Variants in LIPC observed in about 807,000 individuals in gnomAD.
LIPC encodes lipase C, hepatic type, also known as hepatic triacylglycerol lipase.
LIPC carries 44 observed loss-of-function variants against 50.7 expected under a neutral mutation model. The ratio of observed to expected loss-of-function variants is 0.87; its 90% confidence interval spans 0.68 to 1.11. The LOEUF (loss-of-function observed/expected upper bound fraction) is 1.11. Among genes scored for constraint, LIPC ranks in the 50% most tolerant of loss-of-function variants. LIPC has a pLI of 0.00. For missense variants in LIPC, 697 were observed against 648.2 expected (o/e 1.08, Z -0.82); for synonymous variants, 271 against 256.4 (o/e 1.06, Z -0.54).
intron 8 of LIPC, among the ~76,000 whole-genome samples, chr15:58,567,199 T>TAAAA (rs1210167610): frequency 3.3e-5 from 2 of 59,836 alleles, no homozygotes; most frequent in African/African-American, 1.0e-4. Flanking sequence ...AGACTCCGTC[T>TAAAA]CAAAAAAAAT....
At chr15:58,555,229 G>A (rs1893894466) in intron 6 of LIPC, among the ~76,000 whole-genome samples, 1 of 152,158 alleles carries the variant, frequency 6.6e-6, no homozygotes. Context: ...TAAGAAAAAG[G>A]GAAGAAAAAG....
intron 6 of LIPC, among the ~76,000 whole-genome samples, chr15:58,549,866 A>G (rs1472840953): frequency 3.3e-5 from 5 of 152,234 alleles, no homozygotes; most frequent in African/African-American, 9.6e-5. Context: ...GGAATTTGGA[A>G]GTCCTCCTGC....
At position 58,492,036 on chromosome 15, in the gene LIPC, T is replaced by C. The variant is rs112618104; in HGVS notation, c.89-46297T>C. ...GTCCCAGCAAGCAACAGAGCACCCA[T>C]TGTACAGCCTTCCCCAGCCCCAGAG... On this transcript the variant is annotated intron_variant, in intron 1 of 8. Coordinates refer to ENST00000299022, the MANE Select transcript of LIPC (RefSeq NM_000236.3). 3.3e-5 allele frequency among the ~76,000 whole-genome samples: 5 copies of C among 152,262 alleles called. No homozygotes were observed. The South Asian group carries it at 8.3e-4, about 25-fold the overall frequency.
chr15:58,449,158 C>T (rs529655392), intron 1 of LIPC, among the ~76,000 whole-genome samples: 2 of 152,320 alleles, frequency 1.3e-5, no homozygotes, highest in Admixed American at 6.5e-5. Flanking sequence ...TAGATGGCTA[C>T]TCAGACGCCA....
At chr15:58,523,776 A>G (rs527323239) in intron 1 of LIPC, among the ~76,000 whole-genome samples, 146 of 152,146 alleles carry the variant, frequency 9.6e-4, no homozygotes, top group African/African-American at 3.4e-3. Context: ...TAAATAAATA[A>G]ATTAGCTAGT....
chr15:58,438,621 A>G (rs370954492), intron 1 of LIPC, among the ~76,000 whole-genome samples: 1 of 152,202 alleles, frequency 6.6e-6, no homozygotes, highest in Non-Finnish European at 1.5e-5. Context: ...CGGGTCTTAC[A>G]TTCAGGTACC....
intron 1 of LIPC, among the ~76,000 whole-genome samples, chr15:58,482,768 A>T (rs1891236512): frequency 6.6e-6 from 1 of 152,076 alleles, no homozygotes; most frequent in Admixed American, 6.5e-5. Flanking sequence ...CAAGCAAAAA[A>T]CCTTAAGGAG....
In LIPC at chr15:58,444,200, C is replaced by T. The variant is rs543179648; in HGVS notation, c.88+12080C>T. ...CATGCCCTGGCCCCCACCTTTGTGC[C>T]GCATAGAGGGACTCCCCTTCCTGAG... On this transcript the variant is annotated intron_variant, in intron 1 of 8. Transcript: ENST00000299022. Among the ~76,000 whole-genome samples, 36 of 152,272 alleles carry T rather than the reference C, an allele frequency of 2.4e-4. 1 individual carries two copies. The highest frequency in any genetic ancestry group is 8.2e-4 in the African/African-American group (34 of 41,554).
At chr15:58,504,589 G>A (rs1428975612) in intron 1 of LIPC, among the ~76,000 whole-genome samples, 1 of 152,144 alleles carries the variant, frequency 6.6e-6, no homozygotes, top group Non-Finnish European at 1.5e-5. Context: ...GCATCGACCT[G>A]GCCTTCTCCC....
At chr15:58,476,482 T>G (rs1252609640) in intron 1 of LIPC, among the ~76,000 whole-genome samples, 1 of 152,230 alleles carries the variant, frequency 6.6e-6, no homozygotes, top group East Asian at 1.9e-4. Flanking sequence ...AGGTGTGAGT[T>G]GGAGTCAGTC....
intron 1 of LIPC, among the ~76,000 whole-genome samples, chr15:58,532,059 A>C (rs1219235157): frequency 1.1e-4 from 16 of 152,214 alleles, no homozygotes; most frequent in African/African-American, 3.6e-4. Flanking sequence ...TTTAGTAACT[A>C]TTGTGCACAT....
chr15:58,507,587 A>C (rs1163586821), intron 1 of LIPC, among the ~76,000 whole-genome samples: 1 of 152,218 alleles, frequency 6.6e-6, no homozygotes, highest in African/African-American at 2.4e-5. Context: ...TCTTATAATA[A>C]GGTGAGAGTG....
At chr15:58,502,307 C>T (rs894409057) in intron 1 of LIPC, among the ~76,000 whole-genome samples, 5 of 152,094 alleles carry the variant, frequency 3.3e-5, no homozygotes, top group Non-Finnish European at 7.4e-5. Context: ...TCCTGTGCTG[C>T]TACAGAACCC....
chr15:58,532,032 T>C (rs1892975668), intron 1 of LIPC, among the ~76,000 whole-genome samples: 1 of 152,070 alleles, frequency 6.6e-6, no homozygotes, highest in Admixed American at 6.6e-5. Context: ...TCACAAGAGG[T>C]GAAGGACAAT....
chr15:58,563,568 C>G lies in LIPC; in HGVS notation c.1233C>G (p.Gly411=). The G allele has an allele frequency of 6.2e-7, 1 of 1,614,052 alleles. No homozygotes were observed. Among genetic ancestry groups the G allele is most frequent in the Non-Finnish European group, 8.5e-7 (1 of 1,180,006 alleles). Residue 411 remains glycine, a synonymous_variant, in exon 8 of 9, where the codon GGC becomes GGG. Transcript: ENST00000299022. ...TTATCACGCTGGATGTGGATATCGG[C>G]GAGCTGATCATGATCAAGTTCAAGT... The part of the protein sequence containing the change: ...SFLITLDVDI[G]ELIMIKFKWE...
rs923885384 is a variant in LIPC, at chr15:58,499,060, G to A, written c.89-39273G>A. On this transcript the variant is annotated intron_variant, in intron 1 of 8. Coordinates refer to ENST00000299022, the MANE Select transcript of LIPC (RefSeq NM_000236.3). ...GTGTCAGGCAGAGCAGGATTACTCG[G>A]CACAAGAGAGGCCAGGCTGGGGTGG... Among the ~76,000 whole-genome samples, 6 of 152,312 alleles carry A rather than the reference G, an allele frequency of 3.9e-5. No homozygotes were observed. The East Asian group carries it at 1.2e-3, about 29-fold the overall frequency.
intron 1 of LIPC, among the ~76,000 whole-genome samples, chr15:58,448,517 A>C (rs1893781590): frequency 6.6e-6 from 1 of 152,098 alleles, no homozygotes; most frequent in South Asian, 2.1e-4. Flanking sequence ...TGGGGAGGAG[A>C]CCTAAAACAG....
intron 1 of LIPC, among the ~76,000 whole-genome samples, chr15:58,447,712 A>C (rs1471742607): frequency 1.3e-5 from 2 of 152,140 alleles, no homozygotes; most frequent in Non-Finnish European, 2.9e-5. Flanking sequence ...TTTTTTTAAA[A>C]GTAGATTTGG....
In LIPC at chr15:58,432,008, C is replaced by A. The variant is rs745901678; in HGVS notation, c.-25C>A. 4 of 1,570,638 alleles carry A rather than the reference C, an allele frequency of 2.5e-6. No individual in the cohort carries two copies. The highest frequency in any genetic ancestry group is 2.7e-5 in the African/African-American group (2 of 74,116). On this transcript the variant is annotated 5_prime_UTR_variant, in exon 1 of 9. Coordinates refer to ENST00000299022, the MANE Select transcript of LIPC (RefSeq NM_000236.3). ...TTGGCTTCAGAAATTACCAAGAAAG[C>A]CTGGACCCCGGGTGAAACGGAGAAA...
Sources: gnomAD v4.1 joint callset for allele counts (sites outside exome capture counted in the v4.1 genomes callset) on GRCh38, gnomAD v4.1.1 for gene constraint, MANE v1.5 for transcripts, NCBI Gene and HGNC (gene_info 2026-07-23, HGNC 2026-07-21) for gene names.